CCDC88C: variants seen among roughly 807,000 people sequenced by gnomAD.
The protein encoded by CCDC88C is coiled-coil and HOOK domain protein 88C.
A neutral mutation model predicts 198.8 loss-of-function variants in CCDC88C; 131 were observed. The ratio of observed to expected loss-of-function variants is 0.66; its 90% CI spans 0.57 to 0.76. CCDC88C has a LOEUF of 0.76. CCDC88C is among the 30% of genes least tolerant of loss of function. The probability of loss-of-function intolerance (pLI) is 0.00; values close to 1 mark genes in which losing one functional copy is unlikely to be tolerated. For missense variants in CCDC88C, 2,553 were observed against 2,631.6 expected (o/e 0.97, Z 0.65); for synonymous variants, 1,166 against 1,114.7 (o/e 1.05, Z -0.92).
At chr14:91,417,188 G>T (rs771332248) in intron 1 of CCDC88C, 13 of 702,872 alleles carry the variant, frequency 1.8e-5, no homozygotes, top group Non-Finnish European at 3.1e-5. Context: ...CCCATTCGGC[G>T]CCCCCCATTC....
Position 91,285,538 on chromosome 14 carries a change from G to C in CCDC88C, c.4442-2021C>G, listed in dbSNP as rs935786896. The C allele has an allele frequency of 8.7e-6, 7 of 804,354 alleles. No homozygotes were observed. The African/African-American group carries it at 1.1e-4, about 12-fold the overall frequency. The allele number at this position is 804,354 out of a possible 1,614,324, so 49.8% of individuals were successfully genotyped here. The stretch of plus-strand genomic sequence containing the variant: ...TCAGAATCCACGCTGGCTACTTTAA[G>C]CTTGAAATTGGGGGCAGGAGGAGGG... On this transcript the variant is annotated intron_variant, in intron 25 of 29. Transcript: ENST00000389857.
intron 26 of CCDC88C, among the ~76,000 whole-genome samples, 164 bp downstream of exon 26, chr14:91,283,163 AGC>A (rs1392948154): frequency 1.3e-5 from 2 of 152,196 alleles, no homozygotes; most frequent in Non-Finnish European, 2.9e-5. Flanking sequence ...TTGGCTGGTA[AGC>A]ACAGCTGCAT....
At chr14:91,289,686 A>G (rs1440175657) in intron 24 of CCDC88C, among the ~76,000 whole-genome samples, 2 of 152,190 alleles carry the variant, frequency 1.3e-5, no homozygotes, top group African/African-American at 4.8e-5. Flanking sequence ...TTTCTGCTAA[A>G]GTTAATAATC....
At chr14:91,372,548 G>C (rs1319551371) in intron 3 of CCDC88C, among the ~76,000 whole-genome samples, 2 of 121,906 alleles carry the variant, frequency 1.6e-5, no homozygotes, top group African/African-American at 3.1e-5. Flanking sequence ...CGGGCGGGGG[G>C]GGGAGGCGTG....
intron 3 of CCDC88C, among the ~76,000 whole-genome samples, chr14:91,369,541 T>C (rs1894688811): frequency 6.6e-6 from 1 of 152,082 alleles, no homozygotes; most frequent in South Asian, 2.1e-4. Context: ...TATTTTTCTT[T>C]TTTTTACCTC....
In CCDC88C at chr14:91,408,723, T is replaced by C. The variant is rs1274608355; in HGVS notation, c.206A>G (p.Asn69Ser). 9 of 1,613,906 alleles carry C rather than the reference T, an allele frequency of 5.6e-6. No homozygotes were observed. The highest frequency in any genetic ancestry group is 1.1e-5 in the South Asian group (1 of 91,070). The change falls in exon 3 of 30, where the codon AAT becomes AGT. Residue 69 changes from asparagine to serine, a missense_variant. Asn to Ser is a conservative substitution (Grantham distance 46). This residue lies in a region of CCDC88C where 1,260 missense variants were observed against 1,412.0 expected (regional missense o/e 0.89). Transcript: ENST00000389857. ...ATTCTGAATGCGAAGGTTCACATCA[T>C]TGTTGACGTGCTTATTGATGCGTTG... ...TNQRINKHVNNDVNLRIQNLT... is the reference protein window; with the variant it reads ...TNQRINKHVNSDVNLRIQNLT...
rs1340467379 is a variant in CCDC88C, at chr14:91,279,279, C to T, written c.4727G>A (p.Ser1576Asn). 4 of 1,603,090 alleles carry T rather than the reference C, an allele frequency of 2.5e-6. No homozygotes were observed. Among genetic ancestry groups the T allele is most frequent in the East Asian group, 2.2e-5 (1 of 44,744 alleles). The change falls in exon 28 of 30, where the codon AGT (serine) becomes AAT (asparagine). Residue 1576 changes from serine (S) to asparagine (N), a missense_variant. Physicochemically the swap from Ser to Asn is conservative, Grantham distance 46. This residue lies in a region of CCDC88C where 1,293 missense variants were observed against 1,219.6 expected (regional missense o/e 1.06). Coordinates refer to ENST00000389857, the MANE Select transcript of CCDC88C (RefSeq NM_001080414.4). The stretch of plus-strand genomic sequence containing the variant: ...TGAGCTGTTGCTGGATGTGTTTCTA[C>T]TGCTCTCTAAGCTACTTGGCCGCGA... ...YVSRPSSLES[S>N]RNTSSNSSPL...
rs747189596 is a variant in CCDC88C, at chr14:91,281,506, G to A, written c.4650C>T (p.Asn1550=). Residue 1550 remains asparagine, a synonymous_variant, in exon 27 of 30, where the codon AAC becomes AAT. Transcript: ENST00000389857. The stretch of plus-strand genomic sequence containing the variant: ...CAAACTCCAGGGATGGCTCACAGAG[G>A]TTGTCATCTGAGTTATAGCCTAAGG... ...GRTKGYNSDD[N]LCEPSLEFEV... is the part of the protein sequence containing the mutation. 1.2e-6 allele frequency: 2 copies of A among 1,613,936 alleles called. No individual in the cohort carries two copies. The highest frequency in any genetic ancestry group is 1.1e-5 in the South Asian group (1 of 91,080).
intron 3 of CCDC88C, among the ~76,000 whole-genome samples, chr14:91,383,702 A>G (rs2139958893): frequency 6.6e-6 from 1 of 152,290 alleles, no homozygotes; most frequent in East Asian, 1.9e-4. Context: ...ATTCCTGGGG[A>G]AAGCAAGCAC....
chr14:91,411,594 T>C (rs998017134), intron 2 of CCDC88C, among the ~76,000 whole-genome samples: 12 of 152,178 alleles, frequency 7.9e-5, no homozygotes, highest in African/African-American at 2.7e-4. Flanking sequence ...TGGTCGGAAC[T>C]TGGAGAGTTC....
rs956104232 is a variant in CCDC88C at position 91,313,823 on chromosome 14, C to T, written c.1993G>A (p.Glu665Lys). ...ETATEKVEAL[E>K]HESQGLQLEN... The stretch of plus-strand genomic sequence containing the variant: ...AGCTGCAGGCCCTGGCTCTCATGCT[C>T]CAGGGCCTCGACTTTCTCGGTGGCT... The change falls in exon 15 of 30, where the codon GAG (glutamate) becomes AAG (lysine). Residue 665 changes from glutamate to lysine, a missense_variant. Glu to Lys is a moderately conservative substitution (Grantham distance 56). Transcript: ENST00000389857. This position sits in a 1 kb window ranked among gnomAD's most constrained non-coding sequence, Gnocchi z 5.2. 5.6e-6 allele frequency: 9 copies of T among 1,604,290 alleles called. No homozygotes were observed. The African/African-American group carries it at 6.7e-5, about 12-fold the overall frequency.
At position 91,325,780 on chromosome 14, in the gene CCDC88C, C is replaced by T. The variant is rs1892559017; in HGVS notation, c.1197+130G>A. 4.7e-6 allele frequency: 4 copies of T among 859,944 alleles called. No individual in the cohort carries two copies. The highest frequency in any genetic ancestry group is 5.9e-5 in the Admixed American group (2 of 34,186). The allele number at this position is 859,944 out of a possible 1,614,324, so 53.3% of individuals were successfully genotyped here. On this transcript the variant is annotated intron_variant, in intron 11 of 29. Transcript: ENST00000389857. This position sits in a 1 kb window ranked among gnomAD's most constrained non-coding sequence, Gnocchi z 4.1. ...GTAGAGATGGGGCCTCGCTAGGTTG[C>T]CAGGGTTAGAACTCCTGCGCTCAAG...
chr14:91,395,144 C>T (rs910150572), intron 3 of CCDC88C, among the ~76,000 whole-genome samples: 11 of 152,210 alleles, frequency 7.2e-5, no homozygotes, highest in Non-Finnish European at 4.4e-5. Context: ...ACCCACCATT[C>T]GACCTTGTGC....
In CCDC88C at chr14:91,313,683, C is replaced by G. The variant is rs1359098573; in HGVS notation, c.2133G>C (p.Arg711Ser). The part of the protein sequence containing the change: ...QLDAENLELR[R>S]LVETMRFTST... ...TGGTGAAGCGCATGGTCTCCACCAG[C>G]CTGCGCAGCTCCAGGTTCTCTGCGT... Residue 711 changes from arginine (R) to serine (S), a missense_variant, in exon 15 of 30, where the codon AGG (arginine) becomes AGC (serine). Arg to Ser is a moderately radical substitution (Grantham distance 110). Transcript: ENST00000389857. This position sits in a 1 kb window ranked among gnomAD's most constrained non-coding sequence, Gnocchi z 5.2. 6.2e-7 allele frequency: 1 copy of G among 1,611,880 alleles called. No homozygotes were observed. The highest frequency in any genetic ancestry group is 1.7e-5 in the Admixed American group (1 of 60,028).
At chr14:91,296,633 A>T (rs551411194) in intron 22 of CCDC88C, among the ~76,000 whole-genome samples, 26 of 152,284 alleles carry the variant, frequency 1.7e-4, no homozygotes, top group African/African-American at 6.0e-4. Flanking sequence ...CGGTTTCCTC[A>T]TTTGTGATGT....
rs530095476 is a variant in CCDC88C, at chr14:91,383,600, G to A, written c.271-23889C>T. 7.2e-5 allele frequency among the ~76,000 whole-genome samples: 11 copies of A among 152,272 alleles called. No individual in the cohort carries two copies. The South Asian group carries it at 1.7e-3, about 23-fold the overall frequency. On this transcript the variant is annotated intron_variant, in intron 3 of 29. Transcript: ENST00000389857. ...GGCTGAGGATACTCCACGAGGTATCGGTTTACTTTGCAAAACCAGTTCTTG... is the reference window on the plus strand; with the variant it reads ...GGCTGAGGATACTCCACGAGGTATCAGTTTACTTTGCAAAACCAGTTCTTG...
At chr14:91,359,208 G>C (rs1894187807) in intron 4 of CCDC88C, among the ~76,000 whole-genome samples, 1 of 133,066 alleles carries the variant, frequency 7.5e-6, no homozygotes, top group Non-Finnish European at 1.5e-5. Flanking sequence ...TCTGTGCCCA[G>C]GCTGGAGTGC....
At chr14:91,295,736 C>T (rs1890974831) in intron 22 of CCDC88C, among the ~76,000 whole-genome samples, 1 of 152,218 alleles carries the variant, frequency 6.6e-6, no homozygotes, top group Admixed American at 6.5e-5. Flanking sequence ...TTCGCTTATG[C>T]TGCTTCGCTT....
chr14:91,329,114 C>G (rs2065854132), intron 10 of CCDC88C, among the ~76,000 whole-genome samples: 1 of 152,218 alleles, frequency 6.6e-6, no homozygotes, highest in African/African-American at 2.4e-5. Context: ...GCTCTGAACC[C>G]TACCTGCTCA....
Sources: allele counts gnomAD v4.1 joint callset (sites outside exome capture counted in the v4.1 genomes callset), GRCh38; gene constraint gnomAD v4.1.1; regional missense constraint gnomAD v4.1.1; non-coding constraint Gnocchi (gnomAD v3.1); transcripts MANE v1.5; gene names NCBI Gene and HGNC (gene_info 2026-07-23, HGNC 2026-07-21).